The following KCTD16 variants were observed in gnomAD, a reference collection of about 807,000 sequenced individuals.
KCTD16 encodes the protein potassium channel tetramerization domain containing 16.
KCTD16 carries 13 observed loss-of-function variants against 33.2 expected under a neutral mutation model. That is an observed-to-expected ratio of 0.39 (90% CI 0.25 to 0.62). The LOEUF (loss-of-function observed/expected upper bound fraction) is 0.62. Among genes scored for constraint, KCTD16 ranks in the 20% least tolerant of loss-of-function variants. The pLI is 0.50. For missense variants in KCTD16, 441 were observed against 525.1 expected, an observed-to-expected ratio of 0.84 and a Z score of 1.57; for synonymous variants, 197 against 195.3, an observed-to-expected ratio of 1.01 and a Z score of -0.07.
At chr5:144,460,793 A>G (rs999391689) in intron 3 of KCTD16, among the ~76,000 whole-genome samples, 1 of 152,220 alleles carries the variant, frequency 6.6e-6, no homozygotes, top group Non-Finnish European at 1.5e-5. Flanking sequence ...AACATTGCCT[A>G]GAGAGTGTCT....
In KCTD16 at chr5:144,206,874, A is replaced by C; in HGVS notation, c.160A>C (p.Met54Leu). 2 of 1,614,140 alleles carry C rather than the reference A, an allele frequency of 1.2e-6. No individual in the cohort carries two copies. Among genetic ancestry groups the C allele is most frequent in the Non-Finnish European group, 1.7e-6 (2 of 1,180,024 alleles). Reference protein sequence around the residue: ...ISIPHSLLWKMFSPKRDTAND... With the variant: ...ISIPHSLLWKLFSPKRDTAND... ...CATCCCTCATTCCCTCCTGTGGAAAATGTTTTCCCCAAAGAGAGACACGGC... is the reference window on the plus strand; with the variant it reads ...CATCCCTCATTCCCTCCTGTGGAAACTGTTTTCCCCAAAGAGAGACACGGC... Residue 54 changes from methionine to leucine, a missense_variant, in exon 3 of 4, where the codon ATG (methionine) becomes CTG (leucine). Physicochemically the swap from Met to Leu is conservative, Grantham distance 15 (BLOSUM62 2). This residue lies in a region of KCTD16 where 80 missense variants were observed against 88.5 expected (regional missense o/e 0.90). Transcript: ENST00000512467.
Position 144,474,490 on chromosome 5 carries a change from T to G in KCTD16, c.*376T>G. The stretch of plus-strand genomic sequence containing the variant: ...TACCTCCCTCCTTTGAATGAGGGTA[T>G]GGTAGAAAAAGATCTGGCCCAATGG... On this transcript the variant is annotated 3_prime_UTR_variant, in exon 4 of 4. Transcript: ENST00000512467. The G allele has an allele frequency of 5.7e-6, 1 of 174,522 alleles. No homozygotes were observed. The highest frequency in any genetic ancestry group is 1.7e-4 in the East Asian group (1 of 5,986). The allele number at this position is 174,522 out of a possible 1,614,324, so 10.8% of individuals were successfully genotyped here.
rs115233981 is a variant in KCTD16, at chr5:144,322,226, G to A, written c.832+114680G>A. ...TGATAGGTAGGCAGAAGAGAATGTCGTGGACACCTGTTCTATCTACCTGCC... is the reference window on the plus strand; with the variant it reads ...TGATAGGTAGGCAGAAGAGAATGTCATGGACACCTGTTCTATCTACCTGCC... On this transcript the variant is annotated intron_variant, in intron 3 of 3. Transcript: ENST00000512467. Among the ~76,000 whole-genome samples the A allele has an allele frequency of 3.4e-3, 523 of 152,160 alleles. 1 individual carries two copies. Among genetic ancestry groups the A allele is most frequent in the African/African-American group, 0.012 (509 of 41,528 alleles).
intron 3 of KCTD16, among the ~76,000 whole-genome samples, chr5:144,312,889 T>G (rs1286225124): frequency 6.6e-6 from 1 of 152,180 alleles, no homozygotes; most frequent in Non-Finnish European, 1.5e-5. Flanking sequence ...CTTGTTTGAT[T>G]CTTAAGAAAA....
rs372512856 is a variant in KCTD16, at chr5:144,331,073, A to G, written c.832+123527A>G. On this transcript the variant is annotated intron_variant, in intron 3 of 3. Coordinates refer to ENST00000512467, the MANE Select transcript of KCTD16 (RefSeq NM_020768.4). Reference sequence around the variant, plus strand: ...TTCTAAGCAAAGAAAGAGAAAAGCCATTCCAGGAAGAAAGGAAAATAGAGC... The same window carrying G: ...TTCTAAGCAAAGAAAGAGAAAAGCCGTTCCAGGAAGAAAGGAAAATAGAGC... 5.9e-5 allele frequency among the ~76,000 whole-genome samples: 9 copies of G among 152,362 alleles called. No individual in the cohort carries two copies. The East Asian group carries it at 1.5e-3, about 26-fold the overall frequency.
At chr5:144,405,372 G>A (rs1252919717) in intron 3 of KCTD16, among the ~76,000 whole-genome samples, 1 of 152,172 alleles carries the variant, frequency 6.6e-6, no homozygotes, top group African/African-American at 2.4e-5. Flanking sequence ...AATGTTGTGA[G>A]CTTTAAAGAC....
rs200570241 is a variant in KCTD16 at position 144,340,649 on chromosome 5, TG to T, written c.833-133008del. Reference sequence around the variant, plus strand: ...TTAGGTTTAGACAATGTTATAAGGGTGGGATTAGTGTCCTTATTAGAAAAGA... The same window carrying T: ...TTAGGTTTAGACAATGTTATAAGGGTGGATTAGTGTCCTTATTAGAAAAGA... On this transcript the variant is annotated intron_variant, in intron 3 of 3. Transcript: ENST00000512467. Among the ~76,000 whole-genome samples, 40 of 152,044 alleles carry T rather than the reference TG, an allele frequency of 2.6e-4. No individual in the cohort carries two copies. The East Asian group carries it at 6.4e-3, about 24-fold the overall frequency.
At chr5:144,375,630 G>A (rs1023527282) in intron 3 of KCTD16, among the ~76,000 whole-genome samples, 13 of 152,168 alleles carry the variant, frequency 8.5e-5, no homozygotes, top group African/African-American at 3.1e-4. Flanking sequence ...TGCCCCTGCT[G>A]TTGTATGAGA....
At chr5:144,213,069 A>G (rs1182325577) in intron 3 of KCTD16, among the ~76,000 whole-genome samples, 1 of 152,142 alleles carries the variant, frequency 6.6e-6, no homozygotes, top group Non-Finnish European at 1.5e-5. Context: ...GTATTCTACC[A>G]TATACCATTA....
intron 2 of KCTD16, among the ~76,000 whole-genome samples, chr5:144,194,765 G>A (rs1752910385): frequency 6.6e-6 from 1 of 152,056 alleles, no homozygotes. Flanking sequence ...AATGGAGGTG[G>A]GATTCGACCC....
rs147614761 is a variant in KCTD16 at position 144,465,099 on chromosome 5, G to A, written c.833-8561G>A. Among the ~76,000 whole-genome samples the A allele has an allele frequency of 5.9e-5, 9 of 151,480 alleles. No homozygotes were observed. The East Asian group carries it at 9.8e-4, about 16-fold the overall frequency. On this transcript the variant is annotated intron_variant, in intron 3 of 3. Coordinates refer to ENST00000512467, the MANE Select transcript of KCTD16 (RefSeq NM_020768.4). ...CCTTTGCTGATTGCAAAGATTCAATGAAATAATACAAGTAAAATGTCTAGC... is the reference window on the plus strand; with the variant it reads ...CCTTTGCTGATTGCAAAGATTCAATAAAATAATACAAGTAAAATGTCTAGC...
chr5:144,207,562 T>A lies in KCTD16; in HGVS notation c.832+16T>A, dbSNP rs764746082. ...GTCTTCTACCGTAAGTACAAAGGGT[T>A]GTTTTAATTTTTTATGTGTGTCAAT... On this transcript the variant is annotated intron_variant, in intron 3 of 3. Transcript: ENST00000512467. The A allele has an allele frequency of 5.1e-6, 8 of 1,579,526 alleles. No homozygotes were observed. Among genetic ancestry groups the A allele is most frequent in the Non-Finnish European group, 6.9e-6 (8 of 1,156,134 alleles).
rs536790835 is a variant in KCTD16, at chr5:144,199,576, A to G, written c.-326-6813A>G. ...TGCCAACCCATTTTCAGAAATAAGT[A>G]TATTTCTGTTGGTTAGGCTTCATGC... On this transcript the variant is annotated intron_variant, in intron 2 of 3. Transcript: ENST00000512467. Among the ~76,000 whole-genome samples the G allele has an allele frequency of 4.6e-5, 7 of 152,232 alleles. No homozygotes were observed. The South Asian group carries it at 1.4e-3, about 32-fold the overall frequency.
chr5:144,316,826 C>CCTT lies in KCTD16; in HGVS notation c.832+109280_832+109281insCTT, dbSNP rs1751929308. 1.8e-5 allele frequency among the ~76,000 whole-genome samples: 2 copies of CCTT among 111,172 alleles called. 1 individual carries two copies. The highest frequency in any genetic ancestry group is 6.8e-5 in the African/African-American group (2 of 29,374). 72.9% of individuals were successfully genotyped at this position (111,172 alleles called of 152,430 possible). A position where few individuals can be genotyped will look rare whatever the true frequency, so the allele number is the denominator to read the frequency against. Reference sequence around the variant, plus strand: ...CTGCACCTGGCCCTGGCCAGCATCCCTTTTTTTTTTTTTTTTTTTTGATAC... The same window carrying CCTT: ...CTGCACCTGGCCCTGGCCAGCATCCCCTTTTTTTTTTTTTTTTTTTTTTGATAC... On this transcript the variant is annotated intron_variant, in intron 3 of 3. Transcript: ENST00000512467.
chr5:144,308,907 A>G (rs916111909), intron 3 of KCTD16, among the ~76,000 whole-genome samples: 1 of 151,782 alleles, frequency 6.6e-6, no homozygotes, highest in African/African-American at 2.4e-5. Flanking sequence ...AGTGTTGAGC[A>G]TGGGGTCTCA....
chr5:144,438,286 T>C (rs559571080), intron 3 of KCTD16, among the ~76,000 whole-genome samples: 1 of 152,326 alleles, frequency 6.6e-6, no homozygotes, highest in African/African-American at 2.4e-5. Context: ...ACAGAAATCT[T>C]ATTCAATCTG....
chr5:144,288,265 C>T (rs1351049595), intron 3 of KCTD16, among the ~76,000 whole-genome samples: 1 of 152,142 alleles, frequency 6.6e-6, no homozygotes, highest in African/African-American at 2.4e-5. Flanking sequence ...AGTTGTAAGA[C>T]CTTGAACAAA....
intron 3 of KCTD16, among the ~76,000 whole-genome samples, chr5:144,232,953 CTG>C (rs1754148204): frequency 2.0e-5 from 3 of 152,098 alleles, no homozygotes; most frequent in Admixed American, 1.3e-4. Flanking sequence ...ACCCTGAAAA[CTG>C]TGGTTTCCTA....
chr5:144,278,993 G>A (rs1755528553), intron 3 of KCTD16, among the ~76,000 whole-genome samples: 1 of 152,080 alleles, frequency 6.6e-6, no homozygotes, highest in South Asian at 2.1e-4. Context: ...TCTTTCATCA[G>A]TGTTTTGTAG....
Sources: allele counts gnomAD v4.1 joint callset (sites outside exome capture counted in the v4.1 genomes callset), GRCh38; gene constraint gnomAD v4.1.1; regional missense constraint gnomAD v4.1.1; transcripts MANE v1.5; gene names NCBI Gene and HGNC (gene_info 2026-07-23, HGNC 2026-07-21).